The following LRRTM4 variants were observed in gnomAD, a reference collection of about 807,000 sequenced individuals.
LRRTM4 encodes leucine rich repeat transmembrane neuronal 4.
Under a neutral mutation model 47.6 loss-of-function variants are expected in LRRTM4, and 25 were observed. The observed-to-expected ratio is 0.53, with a 90% CI of 0.38 to 0.73. The LOEUF is 0.73. LRRTM4 is among the 30% of genes least tolerant of loss of function. The pLI is 0.00. For synonymous variants in LRRTM4, 311 were observed against 269.5 expected (o/e 1.15, Z -1.51); for missense variants, 638 against 713.4 (o/e 0.89, Z 1.20).
chr2:76,965,871 G>A (rs994433729), intron 3 of LRRTM4, among the ~76,000 whole-genome samples: 9 of 151,322 alleles, frequency 5.9e-5, no homozygotes, highest in African/African-American at 2.2e-4. Context: ...CATCCCTATA[G>A]GTATATCAAT....
chr2:77,286,998 A>G lies in LRRTM4; in HGVS notation c.1551+231320T>C, dbSNP rs547611937. Among the ~76,000 whole-genome samples the G allele has an allele frequency of 4.6e-5, 7 of 152,194 alleles. No homozygotes were observed. The East Asian group carries it at 5.8e-4, about 13-fold the overall frequency. On this transcript the variant is annotated intron_variant, in intron 3 of 3. Coordinates refer to ENST00000409884, the MANE Select transcript of LRRTM4 (RefSeq NM_001134745.3). ...AGTACAATTGCTTTTTTCTTGCTCA[A>G]TACTAACTTAGCCTCTCTGTGTTTG...
At chr2:76,789,989 G>T (rs574393419) in intron 3 of LRRTM4, among the ~76,000 whole-genome samples, 1 of 152,284 alleles carries the variant, frequency 6.6e-6, no homozygotes, top group African/African-American at 2.4e-5. Context: ...CCTGAGGTGT[G>T]TGTCGTTACA....
rs182845616 is a variant in LRRTM4 at position 77,470,562 on chromosome 2, C to T, written c.1551+47756G>A. ...TAAGCATTAAGTCCAAGGAATGTTA[C>T]ATCAGGTGCTATGAGAAAGTTTAGG... On this transcript the variant is annotated intron_variant, in intron 3 of 3. Coordinates refer to ENST00000409884, the MANE Select transcript of LRRTM4 (RefSeq NM_001134745.3). 2.6e-5 allele frequency among the ~76,000 whole-genome samples: 4 copies of T among 152,244 alleles called. No homozygotes were observed. The East Asian group carries it at 7.7e-4, about 29-fold the overall frequency.
intron 3 of LRRTM4, among the ~76,000 whole-genome samples, chr2:77,272,501 A>T (rs1459102734): frequency 1.3e-5 from 2 of 152,198 alleles, no homozygotes; most frequent in Non-Finnish European, 2.9e-5. Flanking sequence ...TGTATTGATC[A>T]TCATTTCTAA....
chr2:77,109,352 G>A (rs897598000), intron 3 of LRRTM4, among the ~76,000 whole-genome samples: 2 of 152,120 alleles, frequency 1.3e-5, no homozygotes, highest in Non-Finnish European at 2.9e-5. Context: ...AAAATTAGGA[G>A]GAAGGCTAAA....
intron 3 of LRRTM4, among the ~76,000 whole-genome samples, chr2:76,945,123 C>T (rs1012909719): frequency 1.3e-5 from 2 of 151,996 alleles, no homozygotes; most frequent in Admixed American, 6.6e-5. Flanking sequence ...GCATATTACA[C>T]ACAAAATATA....
intron 3 of LRRTM4, among the ~76,000 whole-genome samples, chr2:76,787,680 A>G (rs1287179754): frequency 6.6e-6 from 1 of 152,088 alleles, no homozygotes. Flanking sequence ...TGCATTGACT[A>G]CAGCACACTT....
intron 3 of LRRTM4, among the ~76,000 whole-genome samples, chr2:77,255,737 T>C (rs1024790582): frequency 2.0e-5 from 3 of 152,044 alleles, no homozygotes; most frequent in Non-Finnish European, 2.9e-5. Flanking sequence ...AAAATGAAAT[T>C]ACATGTCAAT....
At chr2:77,476,545 A>T (rs1463178903) in intron 3 of LRRTM4, among the ~76,000 whole-genome samples, 1 of 152,138 alleles carries the variant, frequency 6.6e-6, no homozygotes, top group Non-Finnish European at 1.5e-5. Flanking sequence ...AAATTCATAG[A>T]ATATAATGAA....
chr2:76,816,764 T>G (rs1305206110), intron 3 of LRRTM4, among the ~76,000 whole-genome samples: 1 of 149,986 alleles, frequency 6.7e-6, no homozygotes, highest in Non-Finnish European at 1.5e-5. Flanking sequence ...TCCTTCTCCT[T>G]TCTCATGACG....
At chr2:76,847,034 T>A (rs1298592993) in intron 3 of LRRTM4, among the ~76,000 whole-genome samples, 1 of 152,194 alleles carries the variant, frequency 6.6e-6, no homozygotes, top group Non-Finnish European at 1.5e-5. Context: ...ACAACAGGTA[T>A]GTATTTATTA....
chr2:77,094,736 A>G (rs181387009), intron 3 of LRRTM4, among the ~76,000 whole-genome samples: 5 of 152,332 alleles, frequency 3.3e-5, no homozygotes, highest in African/African-American at 1.2e-4. Flanking sequence ...CAGAATCAAA[A>G]GAATGAAATT....
At chr2:77,399,955 G>T (rs1012645145) in intron 3 of LRRTM4, among the ~76,000 whole-genome samples, 4 of 151,886 alleles carry the variant, frequency 2.6e-5, no homozygotes, top group Middle Eastern at 6.8e-3. Flanking sequence ...TTTGTGTAAG[G>T]CACTTTAAAC....
rs551341224 is a variant in LRRTM4 at position 76,816,227 on chromosome 2, A to G, written c.1552-67311T>C. Among the ~76,000 whole-genome samples the G allele has an allele frequency of 3.9e-5, 6 of 152,124 alleles. No homozygotes were observed. The South Asian group carries it at 1.0e-3, about 26-fold the overall frequency. ...AGAGACAAGAAGCAAGAAGTGTTTT[A>G]GTATAGACCATTAGAAGACCCTGTC... On this transcript the variant is annotated intron_variant, in intron 3 of 3. Coordinates refer to ENST00000409884, the MANE Select transcript of LRRTM4 (RefSeq NM_001134745.3).
intron 3 of LRRTM4, among the ~76,000 whole-genome samples, chr2:77,314,730 A>C (rs868803053): frequency 1.7e-4 from 26 of 152,324 alleles, no homozygotes; most frequent in Middle Eastern, 6.8e-3. Context: ...TCCCCAGCTA[A>C]ACAATGGTTT....
intron 3 of LRRTM4, among the ~76,000 whole-genome samples, chr2:76,903,950 G>A (rs1161498839): frequency 6.6e-6 from 1 of 152,166 alleles, no homozygotes; most frequent in Non-Finnish European, 1.5e-5. Flanking sequence ...CACTTCAAAT[G>A]AATGAGCATC....
intron 3 of LRRTM4, among the ~76,000 whole-genome samples, chr2:76,826,844 CTG>C (rs1167775103): frequency 6.6e-6 from 1 of 151,818 alleles, no homozygotes; most frequent in African/African-American, 2.4e-5. Flanking sequence ...ATAAAAATAA[CTG>C]TAAAGTTCTG....
intron 3 of LRRTM4, among the ~76,000 whole-genome samples, chr2:77,090,882 C>T (rs1323428435): frequency 2.6e-5 from 4 of 152,130 alleles, no homozygotes; most frequent in Admixed American, 2.0e-4. Flanking sequence ...CCTAGACCAT[C>T]ACGGACGCCG....
rs745621861 is a variant in LRRTM4 at position 77,518,578 on chromosome 2, C to T, written c.1291G>A (p.Ala431Thr). 6.2e-7 allele frequency: 1 copy of T among 1,613,406 alleles called. No individual in the cohort carries two copies. The highest frequency in any genetic ancestry group is 1.3e-5 in the African/African-American group (1 of 74,980). The change falls in exon 3 of 4, where the codon GCT becomes ACT. Residue 431 changes from alanine to threonine, a missense_variant. By Grantham distance (58) the Ala-to-Thr change is moderately conservative. Coordinates refer to ENST00000409884, the MANE Select transcript of LRRTM4 (RefSeq NM_001134745.3). ...ATCATGGCCACTGAGAGAAAGAGAGCCACACTCCCGGCAATAATTTTGTGA... is the reference window on the plus strand; with the variant it reads ...ATCATGGCCACTGAGAGAAAGAGAGTCACACTCCCGGCAATAATTTTGTGA... ...SFHKIIAGSV[A>T]LFLSVAMILL...
Sources: gnomAD v4.1 joint callset for allele counts (sites outside exome capture counted in the v4.1 genomes callset) on GRCh38, gnomAD v4.1.1 for gene constraint, MANE v1.5 for transcripts, NCBI Gene and HGNC (gene_info 2026-07-23, HGNC 2026-07-21) for gene names.